RPS9: variants seen among roughly 807,000 people sequenced by gnomAD.
The protein encoded by RPS9 is ribosomal protein S9.
RPS9 carries 1 observed loss-of-function variant against 16.9 expected under a neutral mutation model. The ratio of observed to expected loss-of-function variants is 0.06; its 90% CI spans 0.02 to 0.28. The LOEUF is 0.28. Among genes scored for constraint, RPS9 ranks in the 10% least tolerant of loss-of-function variants. The pLI, the probability that RPS9 is intolerant of heterozygous loss-of-function variation, is 1.00. For missense variants in RPS9, 137 were observed against 273.2 expected (o/e 0.50, Z 3.51); for synonymous variants, 106 against 110.9 (o/e 0.96, Z 0.28).
At chr19:54,205,712 G>A (rs1468521689) in intron 3 of RPS9, among the ~76,000 whole-genome samples, 1 of 152,192 alleles carries the variant, frequency 6.6e-6, no homozygotes, top group African/African-American at 2.4e-5. Context: ...AGAATGTGGA[G>A]CGAGGGATGT....
In RPS9 at chr19:54,207,593, G is replaced by A. The variant is rs777778449; in HGVS notation, c.*18G>A. 6.3e-7 allele frequency: 1 copy of A among 1,582,056 alleles called. No individual in the cohort carries two copies. Among genetic ancestry groups the A allele is most frequent in the Non-Finnish European group, 8.6e-7 (1 of 1,162,750 alleles). On this transcript the variant is annotated 3_prime_UTR_variant, in exon 5 of 5. Transcript: ENST00000302907. ...AGGATTAAGTCCACCTGTCCCTCCT[G>A]GGCTGCTGGATTGTCTCGTTTTCCT...
rs2077017112 is a variant in RPS9 at position 54,200,886 on chromosome 19, T to C, written c.-28T>C. ...TTTCTCAGTGACCGGGTGGTTTGCT[T>C]AGGTGAGGTGCGGTGGTGTGCTTTT... On this transcript the variant is annotated splice_region_variant and 5_prime_UTR_variant, in exon 1 of 5. Transcript: ENST00000302907. 8.3e-7 allele frequency: 1 copy of C among 1,198,154 alleles called. No individual in the cohort carries two copies. The highest frequency in any genetic ancestry group is 1.0e-6 in the Non-Finnish European group (1 of 959,776). 74.2% of individuals were successfully genotyped at this position (1,198,154 alleles called of 1,614,324 possible). A position where few individuals can be genotyped will look rare whatever the true frequency, so the allele number is the denominator to read the frequency against.
At chr19:54,202,406 G>GT (rs942875302) in intron 3 of RPS9, 7 of 983,438 alleles carry the variant, frequency 7.1e-6, no homozygotes, top group African/African-American at 7.0e-5. Flanking sequence ...GCTGGTGCTT[G>GT]TTTTTTTAAG....
intron 3 of RPS9, chr19:54,201,921 T>G: frequency 2.6e-6 from 1 of 380,170 alleles, no homozygotes; most frequent in Non-Finnish European, 4.7e-6. Context: ...TGTTTGCTAG[T>G]GGATGAGAGT....
At chr19:54,206,197 C>G in intron 3 of RPS9, 79 bp from the exon 4 acceptor site, 1 of 1,447,706 alleles carries the variant, frequency 6.9e-7, no homozygotes, top group African/African-American at 1.4e-5. Context: ...ATGGAGCTAC[C>G]AAGAGGCGGA....
At chr19:54,201,324 G>A (rs772332209) in intron 2 of RPS9, 43 bp downstream of exon 2, 3 of 1,613,802 alleles carry the variant, frequency 1.9e-6, no homozygotes, top group Non-Finnish European at 2.5e-6. Context: ...GCTTCCGGGA[G>A]GCGGTTAGCA....
chr19:54,201,783 C>G, intron 3 of RPS9, 174 bp downstream of exon 3: 1 of 1,375,572 alleles, frequency 7.3e-7, no homozygotes, highest in Non-Finnish European at 9.6e-7. Flanking sequence ...TCAGTCTTTG[C>G]CCTGTTTCTT....
intron 1 of RPS9, 79 bp downstream of exon 1, chr19:54,200,967 C>T (rs1208741574): frequency 7.0e-7 from 1 of 1,421,948 alleles, no homozygotes; most frequent in Admixed American, 2.9e-5. Flanking sequence ...CATGAGTAAG[C>T]TAAAGACGTT....
intron 3 of RPS9, chr19:54,202,779 G>A: frequency 1.0e-6 from 1 of 985,404 alleles, no homozygotes; most frequent in Non-Finnish European, 1.2e-6. Flanking sequence ...GCATGAGAGT[G>A]GTCATCCATG....
intron 3 of RPS9, among the ~76,000 whole-genome samples, chr19:54,203,703 A>G (rs2077139892): frequency 6.6e-6 from 1 of 152,044 alleles, no homozygotes; most frequent in African/African-American, 2.4e-5. Context: ...CCTGGGAGAC[A>G]GAGACTGCAG....
intron 3 of RPS9, chr19:54,202,148 A>T (rs2077078302): frequency 6.5e-6 from 1 of 154,278 alleles, no homozygotes; most frequent in Non-Finnish European, 1.4e-5. Context: ...TAGCCTCCCA[A>T]GTAGCTGGGA....
intron 4 of RPS9, 73 bp from the exon 5 acceptor site, chr19:54,207,325 G>T (rs748516851): frequency 7.4e-7 from 1 of 1,357,940 alleles, no homozygotes; most frequent in Admixed American, 1.9e-5. Context: ...GGGTGGAGAG[G>T]AAAGAGTGGT....
chr19:54,201,336 GTGGA>G, intron 2 of RPS9, 55 bp downstream of exon 2: 1 of 1,613,080 alleles, frequency 6.2e-7, no homozygotes, highest in East Asian at 2.2e-5. Context: ...CGGTTAGCAC[GTGGA>G]TGAAGGTGCC....
chr19:54,206,609 C>G (rs1382309587), intron 4 of RPS9, 147 bp downstream of exon 4: 1 of 1,551,714 alleles, frequency 6.4e-7, no homozygotes. Context: ...CCCTTGCACA[C>G]AGCTCACCAG....
intron 3 of RPS9, chr19:54,203,060 C>G: frequency 1.0e-6 from 1 of 985,300 alleles, no homozygotes; most frequent in Non-Finnish European, 1.2e-6. Context: ...CTGGAGATCC[C>G]TCCCCCATAG....
intron 3 of RPS9, among the ~76,000 whole-genome samples, chr19:54,205,367 A>C (rs1430852163): frequency 6.6e-6 from 1 of 151,402 alleles, no homozygotes; most frequent in Non-Finnish European, 1.5e-5. Context: ...CATCTGTTGG[A>C]TATTTTATGC....
At chr19:54,201,436 T>A (rs1395348331) in intron 2 of RPS9, 51 bp from the exon 3 acceptor site, 27 of 1,612,046 alleles carry the variant, frequency 1.7e-5, no homozygotes, top group Non-Finnish European at 2.0e-5. Context: ...CCAGTCTAGT[T>A]GTTGTGCCAG....
rs777543423 is a variant in RPS9, at chr19:54,201,143, A to T, written c.-25-17A>T. ...CGCCGTTTGGATCCCTTACGCTCAC[A>T]CTTCTCTCCCGCGCAGGCGCAGACG... On this transcript the variant is annotated splice_polypyrimidine_tract_variant and intron_variant, in intron 1 of 4. Transcript: ENST00000302907. The T allele has an allele frequency of 1.2e-6, 2 of 1,612,260 alleles. No individual in the cohort carries two copies.
chr19:54,201,374 C>T, intron 2 of RPS9, 93 bp downstream of exon 2: 4 of 1,607,094 alleles, frequency 2.5e-6, no homozygotes, highest in Non-Finnish European at 2.6e-6. Context: ...TAGTCCGTCC[C>T]CTAAATTTGG....
Sources: gnomAD v4.1 joint callset for allele counts (sites outside exome capture counted in the v4.1 genomes callset) on GRCh38, gnomAD v4.1.1 for gene constraint, MANE v1.5 for transcripts, NCBI Gene and HGNC (gene_info 2026-07-23, HGNC 2026-07-21) for gene names.